Variants in ABCC1 observed in about 807,000 individuals in gnomAD.
The protein encoded by ABCC1 is ATP binding cassette subfamily C member 1 (ABCC1 blood group), also known as multidrug resistance-associated protein 1.
In ABCC1, 83 loss-of-function variants were observed where a neutral mutation model predicts 172.9. That is an observed-to-expected ratio of 0.48 (90% confidence interval 0.40 to 0.58). The LOEUF (loss-of-function observed/expected upper bound fraction) is 0.58, where lower values mean the gene tolerates loss of function less well. ABCC1 is among the 20% of genes least tolerant of loss of function. ABCC1 has a pLI of 0.00. For missense variants in ABCC1, 1,817 were observed against 2,002.7 expected, an observed-to-expected ratio of 0.91 and a Z score of 1.77; for synonymous variants, 937 against 825.2, an observed-to-expected ratio of 1.14 and a Z score of -2.32.
chr16:16,071,588 T>A, intron 13 of ABCC1, 54 bp from the exon 14 acceptor site: 1 of 1,544,546 alleles, frequency 6.5e-7, no homozygotes, highest in South Asian at 1.2e-5. Flanking sequence ...CTTGGTTGGT[T>A]TTGCAAAAAT....
At chr16:16,016,053 C>T (rs1415022699) in intron 4 of ABCC1, among the ~76,000 whole-genome samples, 1 of 151,940 alleles carries the variant, frequency 6.6e-6, no homozygotes, top group Non-Finnish European at 1.5e-5. Context: ...GGCTTTCTGC[C>T]ATTACATCCC....
chr16:16,022,176 C>T lies in ABCC1; in HGVS notation c.615+5555C>T, dbSNP rs561838335. ...AGGTCAGGCAGGGCGTGGGTGGGAG[C>T]TGGCAGGGCTGGCTCCTCCAGGCCA... On this transcript the variant is annotated intron_variant, in intron 5 of 30. Transcript: ENST00000399410. Among the ~76,000 whole-genome samples, 10 of 152,306 alleles carry T rather than the reference C, an allele frequency of 6.6e-5. 1 individual carries two copies. The South Asian group carries it at 2.1e-3, about 32-fold the overall frequency.
intron 1 of ABCC1, among the ~76,000 whole-genome samples, chr16:15,955,246 C>A (rs2045965854): frequency 6.6e-6 from 1 of 152,114 alleles, no homozygotes; most frequent in African/African-American, 2.4e-5. Context: ...ATCCCAGCTA[C>A]TTGGGAGGCT....
rs898683852 is a variant in ABCC1, at chr16:16,114,834, G to A, written c.3148G>A (p.Val1050Met). Residue 1050 changes from valine (V) to methionine (M), a missense_variant, in exon 23 of 31, where the codon GTG (valine) becomes ATG (methionine). By Grantham distance (21) the Val-to-Met change is conservative. This residue lies in a region of ABCC1 where 1,412 missense variants were observed against 1,600.3 expected (regional missense o/e 0.88). Coordinates refer to ENST00000399410, the MANE Select transcript of ABCC1 (RefSeq NM_004996.4). ...GATCTTGGCTTCCCGCTGTCTGCACGTGGACCTGCTGCACAGCATCCTGCG... is the reference window on the plus strand; with the variant it reads ...GATCTTGGCTTCCCGCTGTCTGCACATGGACCTGCTGCACAGCATCCTGCG... The part of the protein sequence containing the change: ...GGILASRCLH[V>M]DLLHSILRSP... 6.8e-6 allele frequency: 11 copies of A among 1,612,888 alleles called. No individual in the cohort carries two copies. The highest frequency in any genetic ancestry group is 5.5e-5 in the South Asian group (5 of 91,046).
At chr16:16,115,385 C>G (rs1045504168) in intron 23 of ABCC1, among the ~76,000 whole-genome samples, 2 of 152,044 alleles carry the variant, frequency 1.3e-5, no homozygotes, top group African/African-American at 4.8e-5. Context: ...GACAGAGTCT[C>G]GCTCTGTCAC....
intron 9 of ABCC1, among the ~76,000 whole-genome samples, chr16:16,047,388 C>T (rs2049253901): frequency 1.3e-5 from 2 of 152,234 alleles, no homozygotes. Context: ...ACCTCCTGGG[C>T]TCAAACGATC....
chr16:15,986,734 A>G (rs2046753317), intron 1 of ABCC1, among the ~76,000 whole-genome samples: 1 of 152,198 alleles, frequency 6.6e-6, no homozygotes, highest in African/African-American at 2.4e-5. Flanking sequence ...CATGAAAGGT[A>G]AGAGACTCAG....
At position 16,083,495 on chromosome 16, in the gene ABCC1, G is replaced by T; in HGVS notation, c.2245G>T (p.Asp749Tyr). 1 of 1,613,910 alleles carries T rather than the reference G, an allele frequency of 6.2e-7. No individual in the cohort carries two copies. Among genetic ancestry groups the T allele is most frequent in the Non-Finnish European group, 8.5e-7 (1 of 1,180,014 alleles). Residue 749 changes from aspartate (D) to tyrosine (Y), a missense_variant, in exon 17 of 31, where the codon GAC becomes TAC. Asp to Tyr is a radical substitution (Grantham distance 160). Transcript: ENST00000399410. ...GATACAGGCCTGTGCCCTCCTCCCA[G>T]ACCTGGAAATCCTGCCCAGTGGGGA... is the stretch of plus-strand genomic sequence containing the variant. ...SVIQACALLPDLEILPSGDRT... is the reference protein window; with the variant it reads ...SVIQACALLPYLEILPSGDRT...
intron 3 of ABCC1, among the ~76,000 whole-genome samples, chr16:16,013,380 C>T (rs905986204): frequency 3.0e-4 from 45 of 151,946 alleles, no homozygotes; most frequent in Non-Finnish European, 2.5e-4. Flanking sequence ...AAGTGATTCT[C>T]CTGCCTCAGC....
At position 15,968,343 on chromosome 16, in the gene ABCC1, G is replaced by A. The variant is rs187843284; in HGVS notation, c.48+18544G>A. Reference sequence around the variant, plus strand: ...GCCACCATGGCCAGCCTCTTCTAGAGACAATCTTATTGGCAGGTTGATGTT... The same window carrying A: ...GCCACCATGGCCAGCCTCTTCTAGAAACAATCTTATTGGCAGGTTGATGTT... On this transcript the variant is annotated intron_variant, in intron 1 of 30. Transcript: ENST00000399410. 3.3e-5 allele frequency among the ~76,000 whole-genome samples: 5 copies of A among 152,040 alleles called. 1 individual carries two copies. In the East Asian group the frequency reaches 9.7e-4, roughly 29 times the overall value.
intron 13 of ABCC1, among the ~76,000 whole-genome samples, chr16:16,070,651 C>T (rs553658851): frequency 8.5e-5 from 13 of 152,202 alleles, no homozygotes; most frequent in Middle Eastern, 3.4e-3. Flanking sequence ...GGTGACAGAG[C>T]GAGACTCCAT....
chr16:16,125,615 G>T (rs573997561), intron 25 of ABCC1, among the ~76,000 whole-genome samples, 195 bp from the exon 26 acceptor site: 24 of 151,642 alleles, frequency 1.6e-4, no homozygotes, highest in African/African-American at 5.1e-4. Context: ...TTTTAGTAGT[G>T]ACTGATGGGG....
intron 12 of ABCC1, 90 bp from the exon 13 acceptor site, chr16:16,068,066 C>A: frequency 6.6e-7 from 1 of 1,522,294 alleles, no homozygotes; most frequent in Middle Eastern, 1.7e-4. Flanking sequence ...CTGGGGAGGG[C>A]CCAAGCGCGT....
At chr16:15,956,363 TA>T (rs534755907) in intron 1 of ABCC1, among the ~76,000 whole-genome samples, 62 of 143,908 alleles carry the variant, frequency 4.3e-4, no homozygotes, top group Admixed American at 4.9e-4. Context: ...AGACTCTGTC[TA>T]AAAAAAAAAA....
At chr16:16,087,064 A>G (rs899654826) in intron 18 of ABCC1, 73 bp downstream of exon 18, 3 of 1,513,590 alleles carry the variant, frequency 2.0e-6, no homozygotes, top group African/African-American at 2.8e-5. Context: ...TGTCCCCTTT[A>G]GGAGTCCTTT....
In ABCC1 at chr16:16,136,792, C is replaced by A. The variant is rs935725831; in HGVS notation, c.4292+148C>A. On this transcript the variant is annotated intron_variant, in intron 29 of 30. Coordinates refer to ENST00000399410, the MANE Select transcript of ABCC1 (RefSeq NM_004996.4). The stretch of plus-strand genomic sequence containing the variant: ...CCTTCACCTCTTGGAGCCTCAGTTT[C>A]TGTATCTGTAAAACGGGTCTCAATC... 23 of 943,312 alleles carry A rather than the reference C, an allele frequency of 2.4e-5. No individual in the cohort carries two copies. In the African/African-American group the frequency reaches 3.7e-4, roughly 15 times the overall value. 58.4% of individuals were successfully genotyped at this position (943,312 alleles called of 1,614,324 possible).
Position 16,038,346 on chromosome 16 carries a change from G to C in ABCC1, c.809+1743G>C, listed in dbSNP as rs574659604. ...CTAGTCCAAAAGTCTCAGACCCAGG[G>C]AAGCTGATGGTGGAATTCTCAGTCC... is the stretch of plus-strand genomic sequence containing the variant. On this transcript the variant is annotated intron_variant, in intron 7 of 30. Coordinates refer to ENST00000399410, the MANE Select transcript of ABCC1 (RefSeq NM_004996.4). Among the ~76,000 whole-genome samples the C allele has an allele frequency of 1.4e-4, 21 of 152,326 alleles. No individual in the cohort carries two copies. The East Asian group carries it at 4.1e-3, about 29-fold the overall frequency.
chr16:16,106,589 T>G, intron 20 of ABCC1, 149 bp from the exon 21 acceptor site: 1 of 850,040 alleles, frequency 1.2e-6, no homozygotes, highest in Non-Finnish European at 1.8e-6. Flanking sequence ...GTGGTGCATA[T>G]ATTCATATAT....
chr16:15,997,844 C>G (rs1028764695), intron 1 of ABCC1, among the ~76,000 whole-genome samples: 1 of 137,758 alleles, frequency 7.3e-6, no homozygotes. Flanking sequence ...GACAGAGTCT[C>G]GCTCTGTCAC....
Sources: gnomAD v4.1 joint callset for allele counts (sites outside exome capture counted in the v4.1 genomes callset) on GRCh38, gnomAD v4.1.1 for gene constraint, gnomAD v4.1.1 regional missense constraint, MANE v1.5 for transcripts, NCBI Gene and HGNC (gene_info 2026-07-23, HGNC 2026-07-21) for gene names.